The following SEMA6D variants were observed in gnomAD, a reference collection of about 807,000 sequenced individuals.
The protein encoded by SEMA6D is semaphorin 6D, also known as semaphorin-6D.
A neutral mutation model predicts 106.6 loss-of-function variants in SEMA6D; 35 were observed. That is an observed-to-expected ratio of 0.33 (90% CI 0.25 to 0.44). The LOEUF (loss-of-function observed/expected upper bound fraction) is 0.44, where lower values mean the gene tolerates loss of function less well. Among genes scored for constraint, SEMA6D ranks in the 20% least tolerant of loss-of-function variants. The pLI, the probability that SEMA6D is intolerant of heterozygous loss-of-function variation, is 1.00. For missense variants in SEMA6D, 1,185 were observed against 1,345.9 expected (o/e 0.88, Z 1.87); for synonymous variants, 499 against 487.7 (o/e 1.02, Z -0.31).
chr15:47,205,893 T>C (rs1386007488), intron 1 of SEMA6D, among the ~76,000 whole-genome samples: 1 of 151,948 alleles, frequency 6.6e-6, no homozygotes, highest in Admixed American at 6.6e-5. Context: ...ATAAAAATAG[T>C]AGTTGGATAA....
chr15:47,347,346 T>A (rs964424777), intron 1 of SEMA6D, among the ~76,000 whole-genome samples: 1 of 152,254 alleles, frequency 6.6e-6, no homozygotes, highest in Non-Finnish European at 1.5e-5. Context: ...GGACACCTAT[T>A]TGCAGCCAGT....
At chr15:47,728,786 T>C (rs1330341618) in intron 1 of SEMA6D, among the ~76,000 whole-genome samples, 1 of 152,200 alleles carries the variant, frequency 6.6e-6, no homozygotes, top group African/African-American at 2.4e-5. Flanking sequence ...TTTTCCTCCA[T>C]CTTCAAAGCC....
At chr15:47,714,689 C>T (rs2079078443), upstream of SEMA6D, among the ~76,000 whole-genome samples, 1 of 152,226 alleles carries the variant, frequency 6.6e-6, no homozygotes, top group Admixed American at 6.5e-5. Context: ...TTCATCCATA[C>T]CTTCCTTCTT....
chr15:47,522,024 C>A (rs2044599636), intron 3 of SEMA6D, among the ~76,000 whole-genome samples: 1 of 151,888 alleles, frequency 6.6e-6, no homozygotes. Context: ...GCAGTAATGA[C>A]CTTTAAGGGA....
intron 1 of SEMA6D, 84 bp from the exon 2 acceptor site, chr15:47,759,661 G>C (rs1014506117): frequency 1.1e-5 from 7 of 656,436 alleles, no homozygotes; most frequent in African/African-American, 3.6e-5. Flanking sequence ...GGAGGGAGCT[G>C]ATGGTGAAAA....
Position 47,659,139 on chromosome 15 carries a change from C to G in SEMA6D, c.-55+58243C>G, listed in dbSNP as rs138710100. On this transcript the variant is annotated intron_variant, in intron 4 of 19. Transcript: ENST00000558014. The stretch of plus-strand genomic sequence containing the variant: ...TCTAAAGTTGTCATGAAAAAATTAA[C>G]ACATATGAATAGTCAGAGCATTTCC... Among the ~76,000 whole-genome samples, 368 of 151,992 alleles carry G rather than the reference C, an allele frequency of 2.4e-3. 4 individuals carry two copies. The highest frequency in any genetic ancestry group is 8.1e-3 in the African/African-American group (336 of 41,516).
chr15:47,247,822 AC>A (rs2033289309), intron 1 of SEMA6D, among the ~76,000 whole-genome samples: 1 of 152,178 alleles, frequency 6.6e-6, no homozygotes, highest in African/African-American at 2.4e-5. Context: ...AGATTATCAG[AC>A]CGTGTGGGGT....
intron 1 of SEMA6D, among the ~76,000 whole-genome samples, chr15:47,242,092 C>G (rs1404507337): frequency 6.6e-6 from 1 of 152,078 alleles, no homozygotes; most frequent in Non-Finnish European, 1.5e-5. Flanking sequence ...CCACCTTTAA[C>G]ATGGAATAAA....
At chr15:47,244,439 A>G (rs577176693) in intron 1 of SEMA6D, among the ~76,000 whole-genome samples, 1 of 152,320 alleles carries the variant, frequency 6.6e-6, no homozygotes, top group South Asian at 2.1e-4. Flanking sequence ...CCATTTCTTG[A>G]TTATAAGCAT....
intron 4 of SEMA6D, among the ~76,000 whole-genome samples, chr15:47,672,022 C>T (rs141802354): frequency 5.3e-5 from 8 of 152,242 alleles, no homozygotes; most frequent in African/African-American, 1.9e-4. Flanking sequence ...TGTTCTAAAA[C>T]CATTACCTCT....
chr15:47,385,158 G>T (rs1260015755), intron 1 of SEMA6D, among the ~76,000 whole-genome samples: 1 of 150,472 alleles, frequency 6.6e-6, no homozygotes, highest in Non-Finnish European at 1.5e-5. Context: ...GGATAGAGGG[G>T]TAGTTTTAGG....
At chr15:47,353,932 T>C (rs974697097) in intron 1 of SEMA6D, among the ~76,000 whole-genome samples, 7 of 152,094 alleles carry the variant, frequency 4.6e-5, no homozygotes, top group African/African-American at 1.4e-4. Flanking sequence ...GAAGAATATA[T>C]CTTAAGATGA....
At chr15:47,620,873 C>T (rs1411857015) in intron 4 of SEMA6D, among the ~76,000 whole-genome samples, 2 of 152,006 alleles carry the variant, frequency 1.3e-5, no homozygotes, top group African/African-American at 4.8e-5. Context: ...TGTCCCCAGG[C>T]TGGGGTCTAG....
chr15:47,370,386 A>T (rs569937167), intron 1 of SEMA6D, among the ~76,000 whole-genome samples: 11 of 152,172 alleles, frequency 7.2e-5, no homozygotes, highest in African/African-American at 2.4e-4. Context: ...TTGATGGTTC[A>T]TGCATATAGT....
Position 47,225,297 on chromosome 15 carries a change from C to G in SEMA6D, c.-239+40879C>G, listed in dbSNP as rs2031561789. On this transcript the variant is annotated intron_variant, in intron 1 of 19. Transcript: ENST00000558014. ...CCAATGAATGAGAATTCCTGTTGCT[C>G]TACATTCTCACCAGCATTTGGTGGT... Among the ~76,000 whole-genome samples, 3 of 152,068 alleles carry G rather than the reference C, an allele frequency of 2.0e-5. No individual in the cohort carries two copies. The South Asian group carries it at 6.2e-4, about 32-fold the overall frequency.
intron 3 of SEMA6D, among the ~76,000 whole-genome samples, chr15:47,592,114 G>A (rs765779085): frequency 5.9e-5 from 9 of 152,134 alleles, no homozygotes; most frequent in African/African-American, 1.2e-4. Context: ...AGCAGTCAGC[G>A]AACTAGATGT....
chr15:47,644,862 C>T (rs563004462), intron 4 of SEMA6D, among the ~76,000 whole-genome samples: 1 of 152,296 alleles, frequency 6.6e-6, no homozygotes, highest in East Asian at 1.9e-4. Flanking sequence ...TTCCTGTTCC[C>T]ACCAACTATC....
At chr15:47,663,890 G>T (rs1432702135) in intron 4 of SEMA6D, among the ~76,000 whole-genome samples, 2 of 152,192 alleles carry the variant, frequency 1.3e-5, no homozygotes, top group Non-Finnish European at 2.9e-5. Flanking sequence ...ATGTAAAGTG[G>T]TTGCCCGTGG....
In SEMA6D at chr15:47,341,890, C is replaced by G. The variant is rs1334463180; in HGVS notation, c.-238-70503C>G. Among the ~76,000 whole-genome samples, 5 of 152,076 alleles carry G rather than the reference C, an allele frequency of 3.3e-5. No individual in the cohort carries two copies. In the East Asian group the frequency reaches 5.8e-4, roughly 18 times the overall value. ...TGCCTCCCACCCCTTTCCCTCCTTT[C>G]ACCTGCAGATCTGAGAGATCACCAC... On this transcript the variant is annotated intron_variant, in intron 1 of 19. Coordinates refer to the SEMA6D transcript ENST00000558014.
Sources: allele counts gnomAD v4.1 joint callset (sites outside exome capture counted in the v4.1 genomes callset), GRCh38; gene constraint gnomAD v4.1.1; transcripts MANE v1.5; gene names NCBI Gene and HGNC (gene_info 2026-07-23, HGNC 2026-07-21).